The following C6 variants were observed in gnomAD, a reference collection of about 807,000 sequenced individuals.
C6 encodes complement component C6.
Under a neutral mutation model 112.9 loss-of-function variants are expected in C6, and 101 were observed. The observed-to-expected ratio is 0.89, with a 90% CI of 0.76 to 1.06. The LOEUF is 1.06. C6 is among the 50% of genes least tolerant of loss of function. The probability of loss-of-function intolerance (pLI) is 0.00; values close to 1 mark genes in which losing one functional copy is unlikely to be tolerated. For missense variants in C6, 1,202 were observed against 1,104.6 expected, an observed-to-expected ratio of 1.09 and a Z score of -1.25; for synonymous variants, 431 against 384.1, an observed-to-expected ratio of 1.12 and a Z score of -1.43.
intron 1 of C6, among the ~76,000 whole-genome samples, chr5:41,205,038 A>G (rs1453036436): frequency 6.6e-6 from 1 of 152,154 alleles, no homozygotes; most frequent in Non-Finnish European, 1.5e-5. Flanking sequence ...ATGTCTTTCA[A>G]TTTAAAATGG....
chr5:41,244,029 A>T (rs1309618905), intron 1 of C6, among the ~76,000 whole-genome samples: 1 of 152,212 alleles, frequency 6.6e-6, no homozygotes, highest in Non-Finnish European at 1.5e-5. Flanking sequence ...TTGGATCACC[A>T]TCCATGTAAA....
chr5:41,202,662 T>C (rs1208495625), intron 2 of C6, among the ~76,000 whole-genome samples: 5 of 152,218 alleles, frequency 3.3e-5, no homozygotes, highest in African/African-American at 1.2e-4. Context: ...AGAACAGTTT[T>C]GTTGCCATTT....
intron 1 of C6, among the ~76,000 whole-genome samples, chr5:41,249,675 C>A (rs1232789269): frequency 6.6e-6 from 1 of 152,148 alleles, no homozygotes; most frequent in Non-Finnish European, 1.5e-5. Context: ...TATTTGAGCT[C>A]TCCCTTGCTG....
At chr5:41,181,754 C>G (rs927213457) in intron 6 of C6, among the ~76,000 whole-genome samples, 195 bp from the exon 7 acceptor site, 61 of 152,254 alleles carry the variant, frequency 4.0e-4, no homozygotes, top group African/African-American at 1.4e-3. Flanking sequence ...GAAAGATAAT[C>G]ACCAACACTT....
At chr5:41,156,832 C>T (rs973578246) in intron 13 of C6, among the ~76,000 whole-genome samples, 3 of 152,144 alleles carry the variant, frequency 2.0e-5, no homozygotes, top group African/African-American at 7.2e-5. Context: ...TTGCCTTAAA[C>T]TTTTGTTTCT....
chr5:41,193,622 A>G (rs1365360512), intron 5 of C6, among the ~76,000 whole-genome samples: 5 of 152,114 alleles, frequency 3.3e-5, no homozygotes, highest in African/African-American at 1.2e-4. Context: ...CTGTGTGTGT[A>G]TCTATACACA....
intron 7 of C6, among the ~76,000 whole-genome samples, chr5:41,180,442 C>T (rs915672356): frequency 6.6e-6 from 1 of 152,078 alleles, no homozygotes; most frequent in Non-Finnish European, 1.5e-5. Flanking sequence ...CATTTAAACA[C>T]TGTGAGACAT....
At chr5:41,196,737 G>T (rs939000215) in intron 4 of C6, among the ~76,000 whole-genome samples, 3 of 151,744 alleles carry the variant, frequency 2.0e-5, no homozygotes, top group Non-Finnish European at 4.4e-5. Flanking sequence ...TTTTGGACAA[G>T]TTAAGTGTCT....
At chr5:41,260,121 T>C (rs760726770) in intron 1 of C6, among the ~76,000 whole-genome samples, 31 of 152,272 alleles carry the variant, frequency 2.0e-4, no homozygotes, top group Non-Finnish European at 4.0e-4. Flanking sequence ...ATAGTTTAAT[T>C]TTTTTCCTCA....
chr5:41,207,190 C>T (rs1273298965), intron 1 of C6, among the ~76,000 whole-genome samples: 1 of 152,100 alleles, frequency 6.6e-6, no homozygotes, highest in African/African-American at 2.4e-5. Flanking sequence ...AGATTTTTGT[C>T]ACCACCAGGC....
Position 41,149,328 on chromosome 5 carries a change from C to G in C6, c.2536G>C (p.Gly846Arg). 2 of 1,613,938 alleles carry G rather than the reference C, an allele frequency of 1.2e-6. No homozygotes were observed. Among genetic ancestry groups the G allele is most frequent in the African/African-American group, 1.3e-5 (1 of 74,988 alleles). ...SCQDGRQLEW[G>R]LERTRLSSNS... ...GATGAAAGTCTTGTCCTTTCAAGAC[C>G]CCATTCTAACTGGCGGCCGTCTTGG... The change falls in exon 17 of 18, where the codon GGT becomes CGT. Residue 846 changes from glycine to arginine, a missense_variant. Gly to Arg is a moderately radical substitution (Grantham distance 125). Coordinates refer to ENST00000337836, the MANE Select transcript of C6 (RefSeq NM_000065.5).
intron 1 of C6, among the ~76,000 whole-genome samples, chr5:41,250,607 A>G (rs909872277): frequency 2.0e-5 from 3 of 152,156 alleles, no homozygotes; most frequent in Non-Finnish European, 4.4e-5. Context: ...TTGCATTCCT[A>G]TTATCCACTA....
chr5:41,175,067 G>GA (rs1748724802), intron 8 of C6, among the ~76,000 whole-genome samples: 1 of 152,200 alleles, frequency 6.6e-6, no homozygotes, highest in Non-Finnish European at 1.5e-5. Flanking sequence ...TCTAGCAGGG[G>GA]AGTGCAGCTA....
chr5:41,162,007 G>A, intron 9 of C6, 148 bp from the exon 10 acceptor site: 1 of 713,714 alleles, frequency 1.4e-6, no homozygotes, highest in Non-Finnish European at 2.4e-6. Flanking sequence ...AAAAGCAAGA[G>A]AACACTCCTC....
chr5:41,261,034 G>A (rs772191263), intron 1 of C6, among the ~76,000 whole-genome samples: 8 of 152,054 alleles, frequency 5.3e-5, no homozygotes, highest in Admixed American at 2.6e-4. Flanking sequence ...ATTATAAAAA[G>A]CACCATCGCA....
At chr5:41,228,067 C>T (rs1205392441) in intron 1 of C6, among the ~76,000 whole-genome samples, 1 of 152,030 alleles carries the variant, frequency 6.6e-6, no homozygotes, top group Non-Finnish European at 1.5e-5. Context: ...GTAGTATGGA[C>T]ATTTTAACAA....
chr5:41,201,476 A>G (rs953087091), intron 3 of C6, 82 bp downstream of exon 3: 4 of 1,322,642 alleles, frequency 3.0e-6, no homozygotes, highest in Non-Finnish European at 3.3e-6. Context: ...GTAATTCAGC[A>G]TTACTATGCT....
intron 13 of C6, 105 bp downstream of exon 13, chr5:41,158,569 T>C (rs10075985): frequency 0.86 from 625,267 of 728,798 alleles, 268,680 homozygotes; most frequent in Admixed American, 0.92. Flanking sequence ...TTAAAGTCAA[T>C]AGGAGATTAT....
intron 1 of C6, among the ~76,000 whole-genome samples, chr5:41,255,419 A>G (rs1741633833): frequency 6.6e-6 from 1 of 151,974 alleles, no homozygotes; most frequent in Admixed American, 6.6e-5. Flanking sequence ...TCATTCTTTC[A>G]TATTCTTGGT....
Sources: allele counts gnomAD v4.1 joint callset (sites outside exome capture counted in the v4.1 genomes callset), GRCh38; gene constraint gnomAD v4.1.1; transcripts MANE v1.5; gene names NCBI Gene and HGNC (gene_info 2026-07-23, HGNC 2026-07-21).